CERK: variants seen among roughly 807,000 people sequenced by gnomAD.
CERK encodes the protein acylsphingosine kinase.
In CERK, 39 loss-of-function variants were observed where a neutral mutation model predicts 63.4. The ratio of observed to expected loss-of-function variants is 0.61; its 90% CI spans 0.48 to 0.80. CERK has a LOEUF of 0.80. Among genes scored for constraint, CERK ranks in the 30% least tolerant of loss-of-function variants. The probability of loss-of-function intolerance (pLI) is 0.00; values close to 1 mark genes in which losing one functional copy is unlikely to be tolerated. For synonymous variants in CERK, 302 were observed against 280.0 expected, an observed-to-expected ratio of 1.08 and a Z score of -0.78; for missense variants, 670 against 714.1, an observed-to-expected ratio of 0.94 and a Z score of 0.70.
intron 11 of CERK, among the ~76,000 whole-genome samples, chr22:46,690,638 A>C (rs1446524090): frequency 3.3e-5 from 5 of 152,226 alleles, no homozygotes; most frequent in African/African-American, 1.2e-4. Flanking sequence ...CTAGATCTTA[A>C]ATAGAACTTA....
intron 8 of CERK, among the ~76,000 whole-genome samples, chr22:46,698,277 C>A (rs1033519911): frequency 6.6e-6 from 1 of 152,240 alleles, no homozygotes; most frequent in Non-Finnish European, 1.5e-5. Context: ...GCGTGGCATT[C>A]GCTCCCACTC....
At chr22:46,690,329 G>T in intron 11 of CERK, 129 bp from the exon 12 acceptor site, 1 of 656,222 alleles carries the variant, frequency 1.5e-6, no homozygotes, top group Non-Finnish European at 2.6e-6. Flanking sequence ...CTCGGAGGAT[G>T]CGACTGCTTG....
chr22:46,737,937 A>G, intron 1 of CERK, 70 bp downstream of exon 1: 1 of 988,742 alleles, frequency 1.0e-6, no homozygotes, highest in Non-Finnish European at 1.2e-6. Flanking sequence ...CGGTCCCCCC[A>G]GCCGGGTCCC....
chr22:46,701,946 C>T (rs536161509), intron 6 of CERK, among the ~76,000 whole-genome samples: 10 of 152,146 alleles, frequency 6.6e-5, no homozygotes, highest in South Asian at 2.1e-4. Flanking sequence ...TTTGAGAGGC[C>T]GAGGTGGGCG....
rs867749849 is a variant in CERK at position 46,702,282 on chromosome 22, T to C, written c.716-572A>G. Reference sequence around the variant, plus strand: ...GTGTGTGTGTGAACATTTACAATTATAGGCATAACAAAATTTTTTTTTTTT... The same window carrying C: ...GTGTGTGTGTGAACATTTACAATTACAGGCATAACAAAATTTTTTTTTTTT... On this transcript the variant is annotated intron_variant, in intron 6 of 12. Coordinates refer to ENST00000216264, the MANE Select transcript of CERK (RefSeq NM_022766.6). 7.4e-5 allele frequency among the ~76,000 whole-genome samples: 10 copies of C among 135,808 alleles called. No individual in the cohort carries two copies. The South Asian group carries it at 1.1e-3, about 16-fold the overall frequency. The allele number at this position is 135,808 out of a possible 152,430, so 89.1% of individuals were successfully genotyped here.
intron 5 of CERK, among the ~76,000 whole-genome samples, chr22:46,710,623 G>T (rs988779851): frequency 6.6e-6 from 1 of 152,136 alleles, no homozygotes; most frequent in Non-Finnish European, 1.5e-5. Context: ...ATTGGAAAGA[G>T]CCTGAACATC....
At position 46,714,761 on chromosome 22, in the gene CERK, A is replaced by G. The variant is rs113413113; in HGVS notation, c.380-2468T>C. Among the ~76,000 whole-genome samples, 2 of 152,356 alleles carry G rather than the reference A, an allele frequency of 1.3e-5. No individual in the cohort carries two copies. The highest frequency in any genetic ancestry group is 2.1e-4 in the South Asian group (1 of 4,826). ...AAACAAACACGTATGAACTCTTTGT[A>G]TGACACACCACTGTGACCTTGGGAA... is the stretch of plus-strand genomic sequence containing the variant. On this transcript the variant is annotated intron_variant, in intron 3 of 12. Coordinates refer to ENST00000216264, the MANE Select transcript of CERK (RefSeq NM_022766.6). This position sits in a 1 kb window ranked among gnomAD's most constrained non-coding sequence, Gnocchi z 4.4.
chr22:46,687,972 G>A (rs887661962), intron 12 of CERK, among the ~76,000 whole-genome samples: 10 of 152,152 alleles, frequency 6.6e-5, no homozygotes, highest in Non-Finnish European at 1.3e-4. Context: ...CCAGGCGGGC[G>A]GATCACCTGA....
chr22:46,705,086 A>C (rs1238351813), intron 6 of CERK, among the ~76,000 whole-genome samples: 2 of 152,230 alleles, frequency 1.3e-5, no homozygotes, highest in Admixed American at 6.5e-5. Context: ...GGCTTGGGGA[A>C]ACTCCCCCTC....
intron 1 of CERK, among the ~76,000 whole-genome samples, chr22:46,726,699 T>C (rs902090993): frequency 4.6e-5 from 7 of 152,182 alleles, no homozygotes; most frequent in Admixed American, 4.6e-4. Context: ...AAACCAGCCC[T>C]GCCCACCACT....
intron 8 of CERK, among the ~76,000 whole-genome samples, chr22:46,697,089 C>A (rs2082760236): frequency 6.6e-6 from 1 of 152,188 alleles, no homozygotes; most frequent in Non-Finnish European, 1.5e-5. Flanking sequence ...AATTTTCAAG[C>A]CACACTAGTT....
chr22:46,732,968 G>A (rs1173492791), intron 1 of CERK, among the ~76,000 whole-genome samples: 7 of 151,968 alleles, frequency 4.6e-5, no homozygotes, highest in African/African-American at 1.7e-4. Context: ...CAGCACTTAA[G>A]GAGGCCAAAG....
chr22:46,709,642 G>A (rs1283284329), intron 5 of CERK, among the ~76,000 whole-genome samples: 1 of 152,122 alleles, frequency 6.6e-6, no homozygotes, highest in Non-Finnish European at 1.5e-5. Flanking sequence ...ATAAATATCC[G>A]CTGCAATTTA....
In CERK at chr22:46,691,700, G is replaced by A. The variant is rs374075679; in HGVS notation, c.1204C>T (p.Arg402Trp). 20 of 1,613,828 alleles carry A rather than the reference G, an allele frequency of 1.2e-5. No individual in the cohort carries two copies. In the South Asian group the frequency reaches 1.3e-4, roughly 11 times the overall value. The change falls in exon 11 of 13, where the codon CGG (arginine) becomes TGG (tryptophan). Residue 402 changes from arginine to tryptophan, a missense_variant. Transcript: ENST00000216264. ...NATNMSCACRRSPRGLSPAAH... is the reference protein window; with the variant it reads ...NATNMSCACRWSPRGLSPAAH... ...GCCGGGGAGAGGCCCCTGGGGCTCC[G>A]GCGACAAGCACAGGACATGTTTGTG...
intron 6 of CERK, among the ~76,000 whole-genome samples, chr22:46,705,536 T>C (rs1453382474): frequency 6.6e-6 from 1 of 152,114 alleles, no homozygotes; most frequent in East Asian, 1.9e-4. Flanking sequence ...CCAGGCATGG[T>C]GGTACACACC....
At chr22:46,722,825 G>A (rs1225896806) in intron 1 of CERK, among the ~76,000 whole-genome samples, 11 of 152,212 alleles carry the variant, frequency 7.2e-5, no homozygotes, top group Admixed American at 6.5e-5. Context: ...GTCCACGTGC[G>A]TCCTGCCAGA....
intron 7 of CERK, 130 bp downstream of exon 7, chr22:46,701,506 G>C: frequency 1.4e-6 from 1 of 720,458 alleles, no homozygotes; most frequent in Non-Finnish European, 2.3e-6. Context: ...CAGAGCAGGG[G>C]ACACAGCGTG....
chr22:46,715,933 A>G (rs9626897), intron 3 of CERK, among the ~76,000 whole-genome samples: 4,709 of 152,162 alleles, frequency 0.031, 250 homozygotes, highest in African/African-American at 0.11. Flanking sequence ...CCCTGGTAAT[A>G]TCAATGCTTT....
chr22:46,712,187 G>A lies in CERK; in HGVS notation c.486C>T (p.Ser162=), dbSNP rs182404479. 2.3e-5 allele frequency: 37 copies of A among 1,614,156 alleles called. No homozygotes were observed. The Admixed American group carries it at 2.8e-4, about 12-fold the overall frequency. Residue 162 remains serine, a synonymous_variant, in exon 4 of 13, where the codon TCC becomes TCT. Coordinates refer to ENST00000216264, the MANE Select transcript of CERK (RefSeq NM_022766.6). ...RKVAPLFTLA[S]ITTDIIVTEH... is the part of the protein sequence containing the mutation. ...TGTTACCGATGATGTCAGTGGTGAT[G>A]GAGGCTAAGGTGAACAGTGGTGCCA...
Sources: gnomAD v4.1 joint callset for allele counts (sites outside exome capture counted in the v4.1 genomes callset) on GRCh38, gnomAD v4.1.1 for gene constraint, Gnocchi (gnomAD v3.1) non-coding constraint, MANE v1.5 for transcripts, NCBI Gene and HGNC (gene_info 2026-07-23, HGNC 2026-07-21) for gene names.